ERCC6: variants seen among roughly 807,000 people sequenced by gnomAD.
The protein encoded by ERCC6 is ERCC excision repair 6, chromatin remodeling factor.
In ERCC6, 116 loss-of-function variants were observed where a neutral mutation model predicts 158.7. The observed-to-expected ratio is 0.73, with a 90% CI of 0.63 to 0.85. The LOEUF (loss-of-function observed/expected upper bound fraction) is 0.85. ERCC6 is among the 40% of genes least tolerant of loss of function. ERCC6 has a pLI of 0.00. For missense variants in ERCC6, 1,698 were observed against 1,799.4 expected (o/e 0.94, Z 1.02); for synonymous variants, 678 against 659.3 (o/e 1.03, Z -0.43).
chr10:49,496,732 C>T (rs1234786780), intron 7 of ERCC6, among the ~76,000 whole-genome samples: 1 of 152,016 alleles, frequency 6.6e-6, no homozygotes, highest in Non-Finnish European at 1.5e-5. Context: ...CACTTGAACC[C>T]GGGAGGCGGA....
chr10:49,529,367 A>G (rs1157998182), intron 3 of ERCC6, among the ~76,000 whole-genome samples: 2 of 152,248 alleles, frequency 1.3e-5, no homozygotes, highest in Non-Finnish European at 2.9e-5. Flanking sequence ...ACCATCAAAG[A>G]GCTGCTAAAG....
intron 5 of ERCC6, among the ~76,000 whole-genome samples, chr10:49,508,903 A>G (rs1851490325): frequency 1.3e-5 from 2 of 152,076 alleles, no homozygotes; most frequent in Non-Finnish European, 2.9e-5. Context: ...CTGCCAAGAG[A>G]CTTTAAGGGC....
chr10:49,474,059 G>A lies in ERCC6; in HGVS notation c.2566C>T (p.Gln856Ter), dbSNP rs1850831525. The change falls in exon 13 of 21, where the codon CAG becomes TAG. Residue 856 changes from glutamine (Q) to a stop codon, truncating the protein, a stop_gained. Coordinates refer to ENST00000355832, the MANE Select transcript of ERCC6 (RefSeq NM_000124.4). LOFTEE classifies it high-confidence loss of function. Reference sequence around the variant, plus strand: ...GACTGAGAAAACAGCAATACTCGCTGACCCTGCTTGTGCCATATTTTCAAC... The same window carrying A: ...GACTGAGAAAACAGCAATACTCGCTAACCCTGCTTGTGCCATATTTTCAAC... The part of the protein sequence containing the change: ...SLLKIWHKQG[Q>*]RVLLFSQSRQ... The A allele has an allele frequency of 6.2e-7, 1 of 1,614,060 alleles. No individual in the cohort carries two copies. Among genetic ancestry groups the A allele is most frequent in the Non-Finnish European group, 8.5e-7 (1 of 1,180,020 alleles).
chr10:49,460,097 G>T lies in ERCC6; in HGVS notation c.4062+276C>A, dbSNP rs1850550646. ...ACTTTCCCTCTAGACAAGGCAGGCT[G>T]TCCTAGCAGCGACACACCTATCCCT... On this transcript the variant is annotated intron_variant, in intron 20 of 20. Transcript: ENST00000355832. 3 of 502,312 alleles carry T rather than the reference G, an allele frequency of 6.0e-6. No homozygotes were observed. In the South Asian group the frequency reaches 6.2e-5, roughly 10 times the overall value. 31.1% of individuals were successfully genotyped at this position (502,312 alleles called of 1,614,324 possible). A position where few individuals can be genotyped will look rare whatever the true frequency, so the allele number is the denominator to read the frequency against.
rs1442811418 is a variant in ERCC6, at chr10:49,530,736, C to T, written c.527G>A (p.Arg176Gln). The T allele has an allele frequency of 6.2e-7, 1 of 1,613,314 alleles. No homozygotes were observed. Among genetic ancestry groups the T allele is most frequent in the South Asian group, 1.1e-5 (1 of 90,994 alleles). The change falls in exon 3 of 21, where the codon CGA becomes CAA. Residue 176 changes from arginine to glutamine, a missense_variant. Transcript: ENST00000355832. ...DINRKLDSVK[R>Q]QKYNKEQQLK... ...CTGAATCACCTTATTATACTTCTGT[C>T]GTTTTACAGAATCTAGTTTCCTGTT...
chr10:49,526,243 G>C (rs1837337910), intron 4 of ERCC6, among the ~76,000 whole-genome samples: 1 of 149,794 alleles, frequency 6.7e-6, no homozygotes, highest in Admixed American at 6.6e-5. Flanking sequence ...GTGTCAGAAA[G>C]TTCCAACTGG....
At chr10:49,441,305 G>T in the ERCC6 span, among the ~76,000 whole-genome samples, 2 of 152,198 alleles carry the variant, frequency 1.3e-5, no homozygotes, top group Admixed American at 6.5e-5. Context: ...GGATTTTAGT[G>T]CTTGCCACAA....
chr10:49,462,119 C>T (rs1319315359), intron 18 of ERCC6, among the ~76,000 whole-genome samples: 1 of 152,070 alleles, frequency 6.6e-6, no homozygotes, highest in Non-Finnish European at 1.5e-5. Context: ...AAAGTAACAC[C>T]CTATTGGACA....
Position 49,474,243 on chromosome 10 carries a change from C to A in ERCC6, c.2383-1G>T, listed in dbSNP as rs1554787554. On this transcript the variant is annotated splice_acceptor_variant, in intron 12 of 20. Coordinates refer to ENST00000355832, the MANE Select transcript of ERCC6 (RefSeq NM_000124.4). LOFTEE classifies it high-confidence loss of function. Reference sequence around the variant, plus strand: ...TTAGGGCTATAAGTCCGGAGAAAATCTGTGGTAAGAAAGAGTACATGTACA... The same window carrying A: ...TTAGGGCTATAAGTCCGGAGAAAATATGTGGTAAGAAAGAGTACATGTACA... 2 of 1,612,864 alleles carry A rather than the reference C, an allele frequency of 1.2e-6. No individual in the cohort carries two copies. Among genetic ancestry groups the A allele is most frequent in the Non-Finnish European group, 1.7e-6 (2 of 1,178,942 alleles).
In ERCC6 at chr10:49,461,489, C is replaced by T. The variant is rs1298075020; in HGVS notation, c.3846G>A (p.Val1282=). The part of the protein sequence containing the change: ...MDGASPDYVL[V]EAEANRVAQD... ...GGGCCACTCGGTTGGCTTCTGCCTC[C>T]ACCAGTACATAATCTGGGCTGGCTC... Residue 1282 remains valine (V), a synonymous_variant, in exon 19 of 21, where the codon GTG becomes GTA. Transcript: ENST00000355832. 6 of 1,614,156 alleles carry T rather than the reference C, an allele frequency of 3.7e-6. No homozygotes were observed. Among genetic ancestry groups the T allele is most frequent in the East Asian group, 4.5e-5 (2 of 44,886 alleles).
chr10:49,459,480 T>A (rs1397857962), intron 20 of ERCC6, among the ~76,000 whole-genome samples: 3 of 152,092 alleles, frequency 2.0e-5, no homozygotes, highest in Admixed American at 2.0e-4. Flanking sequence ...ATTCCCTTAG[T>A]CACCACCACT....
chr10:49,498,382 C>T (rs777015742), intron 7 of ERCC6, among the ~76,000 whole-genome samples: 1 of 152,148 alleles, frequency 6.6e-6, no homozygotes, highest in Non-Finnish European at 1.5e-5. Flanking sequence ...ACCTTAAGAG[C>T]TATTTTTCTG....
At chr10:49,499,940 G>C (rs1470782529) in intron 7 of ERCC6, among the ~76,000 whole-genome samples, 2 of 152,106 alleles carry the variant, frequency 1.3e-5, no homozygotes, top group African/African-American at 4.8e-5. Flanking sequence ...CATAGATTGG[G>C]AAGGGCAGAA....
At chr10:49,532,376 G>A (rs1038224084) in intron 2 of ERCC6, among the ~76,000 whole-genome samples, 167 bp downstream of exon 2, 4 of 152,178 alleles carry the variant, frequency 2.6e-5, no homozygotes, top group African/African-American at 9.7e-5. Context: ...AAGGGGAAGG[G>A]CTGGGACTCA....
At position 49,533,137 on chromosome 10, in the gene ERCC6, C is replaced by G. The variant is rs994008926; in HGVS notation, c.-14-159G>C. Among the ~76,000 whole-genome samples, 30 of 152,222 alleles carry G rather than the reference C, an allele frequency of 2.0e-4. No individual in the cohort carries two copies. In the South Asian group the frequency reaches 2.3e-3, roughly 12 times the overall value. On this transcript the variant is annotated intron_variant, in intron 1 of 20. Transcript: ENST00000355832. The stretch of plus-strand genomic sequence containing the variant: ...CAAGTATTAATTTACTAAAAAGGGA[C>G]AACGTATCTTCTTGAGTTCTGATAA...
At position 49,460,465 on chromosome 10, in the gene ERCC6, A is replaced by T; in HGVS notation, c.3984-14T>A. 1.3e-6 allele frequency: 2 copies of T among 1,556,598 alleles called. 1 individual carries two copies. The highest frequency in any genetic ancestry group is 2.2e-5 in the South Asian group (2 of 89,962). On this transcript the variant is annotated splice_polypyrimidine_tract_variant and intron_variant, in intron 19 of 20. Transcript: ENST00000355832. ...CCAAATCTACTCCTAAAAAAGGAAA[A>T]GCATCACAGTAGATTAAATGTTTGC...
the ERCC6 span, among the ~76,000 whole-genome samples, chr10:49,444,737 C>T: frequency 3.3e-5 from 5 of 152,266 alleles, no homozygotes; most frequent in African/African-American, 1.2e-4. Flanking sequence ...TCCTATGTTA[C>T]AGGAACTCTT....
chr10:49,459,358 G>A (rs1850537085), intron 20 of ERCC6, 124 bp from the exon 21 acceptor site: 3 of 928,124 alleles, frequency 3.2e-6, no homozygotes, highest in South Asian at 1.4e-5. Context: ...TTGACAGGGT[G>A]AGACTGAGAC....
chr10:49,500,726 G>A, intron 6 of ERCC6, 30 bp from the exon 7 acceptor site: 20 of 1,611,548 alleles, frequency 1.2e-5, no homozygotes, highest in Non-Finnish European at 1.6e-5. Context: ...CAAGAAAAGA[G>A]AAAATGGCAA....
Sources: allele counts gnomAD v4.1 joint callset (sites outside exome capture counted in the v4.1 genomes callset), GRCh38; gene constraint gnomAD v4.1.1; transcripts MANE v1.5; gene names NCBI Gene and HGNC (gene_info 2026-07-23, HGNC 2026-07-21).